The following SLC9A9 variants were observed in gnomAD, a reference collection of about 807,000 sequenced individuals.
SLC9A9 encodes the protein solute carrier family 9 member A9, also known as sodium/hydrogen exchanger 9.
Under a neutral mutation model 77.8 loss-of-function variants are expected in SLC9A9, and 62 were observed. That is an observed-to-expected ratio of 0.80 (90% CI 0.65 to 0.98). SLC9A9 has a LOEUF of 0.98. Among genes scored for constraint, SLC9A9 ranks in the 50% least tolerant of loss-of-function variants. The pLI, the probability that SLC9A9 is intolerant of heterozygous loss-of-function variation, is 0.00. For missense variants in SLC9A9, 775 were observed against 774.9 expected, an observed-to-expected ratio of 1.00 and a Z score of 0.00; for synonymous variants, 320 against 283.5, an observed-to-expected ratio of 1.13 and a Z score of -1.29.
intron 14 of SLC9A9, among the ~76,000 whole-genome samples, chr3:143,277,168 C>T (rs753953944): frequency 1.3e-5 from 2 of 152,132 alleles, no homozygotes; most frequent in Non-Finnish European, 2.9e-5. Context: ...TTAAGTAGGG[C>T]AGATGGACAC....
At chr3:143,714,803 A>T (rs1293588398) in intron 4 of SLC9A9, among the ~76,000 whole-genome samples, 1 of 152,124 alleles carries the variant, frequency 6.6e-6, no homozygotes, top group Non-Finnish European at 1.5e-5. Context: ...AAGAGATCAG[A>T]GTGGGGAAGA....
chr3:143,642,477 TA>T (rs1326451341), intron 6 of SLC9A9, among the ~76,000 whole-genome samples: 2 of 152,222 alleles, frequency 1.3e-5, no homozygotes, highest in Non-Finnish European at 2.9e-5. Context: ...GTTGCTCAAA[TA>T]GACTCTTTAA....
In SLC9A9 at chr3:143,563,625, C is replaced by T. The variant is rs74966173; in HGVS notation, c.1000+10463G>A. Among the ~76,000 whole-genome samples, 327 of 152,100 alleles carry T rather than the reference C, an allele frequency of 2.1e-3. 2 individuals are homozygous for T. The highest frequency in any genetic ancestry group is 7.3e-3 in the African/African-American group (301 of 41,484). On this transcript the variant is annotated intron_variant, in intron 8 of 15. Transcript: ENST00000316549. ...ACAATCCAAGGAAGGGGGAAGAAAACGTAAGATCATCATAATTTTAATTAG... is the reference window on the plus strand; with the variant it reads ...ACAATCCAAGGAAGGGGGAAGAAAATGTAAGATCATCATAATTTTAATTAG...
chr3:143,585,081 G>T (rs2037519363), intron 6 of SLC9A9, among the ~76,000 whole-genome samples: 1 of 152,196 alleles, frequency 6.6e-6, no homozygotes, highest in Admixed American at 6.5e-5. Context: ...AGAGACCTCT[G>T]TTGGCATGAT....
In SLC9A9 at chr3:143,281,918, C is replaced by T. The variant is rs994165842; in HGVS notation, c.1605-12938G>A. Among the ~76,000 whole-genome samples, 13 of 152,202 alleles carry T rather than the reference C, an allele frequency of 8.5e-5. 1 individual carries two copies. Among genetic ancestry groups the T allele is most frequent in the Admixed American group, 7.2e-4 (11 of 15,286 alleles). On this transcript the variant is annotated intron_variant, in intron 14 of 15. Transcript: ENST00000316549. ...ACCTTTCCTATCTCATTCCCCACAC[C>T]GTTTCACAAACTTTAGTTTCTGATA...
In SLC9A9 at chr3:143,382,211, T is replaced by A. The variant is rs1175602727; in HGVS notation, c.1470-97A>T. ...ACCTAACCCAAACACAATGTGAATC[T>A]GAGAAAAGATTTGGCAGAAAACTAT... On this transcript the variant is annotated intron_variant, in intron 12 of 15. Coordinates refer to ENST00000316549, the MANE Select transcript of SLC9A9 (RefSeq NM_173653.4). 9 of 1,299,736 alleles carry A rather than the reference T, an allele frequency of 6.9e-6. No individual in the cohort carries two copies. The East Asian group carries it at 2.1e-4, about 30-fold the overall frequency. 80.5% of individuals were successfully genotyped at this position (1,299,736 alleles called of 1,614,324 possible). A position where few individuals can be genotyped will look rare whatever the true frequency, so the allele number is the denominator to read the frequency against.
intron 4 of SLC9A9, among the ~76,000 whole-genome samples, chr3:143,767,334 C>A (rs567872469): frequency 6.7e-6 from 1 of 150,220 alleles, no homozygotes; most frequent in Non-Finnish European, 1.5e-5. Context: ...GATGGCGCTG[C>A]CTTTCAGGTG....
chr3:143,672,225 T>C (rs1310222944), intron 5 of SLC9A9, among the ~76,000 whole-genome samples: 1 of 152,180 alleles, frequency 6.6e-6, no homozygotes, highest in Admixed American at 6.6e-5. Flanking sequence ...TATTCCGTTT[T>C]CTCTTGAATT....
intron 2 of SLC9A9, among the ~76,000 whole-genome samples, chr3:143,806,899 A>T (rs1123778): frequency 0.16 from 24,082 of 152,196 alleles, 4,085 homozygotes; most frequent in African/African-American, 0.43. Context: ...AGCACAAAGA[A>T]ATAATAAATG....
chr3:143,776,409 C>T (rs2007693854), intron 4 of SLC9A9, among the ~76,000 whole-genome samples: 1 of 152,122 alleles, frequency 6.6e-6, no homozygotes, highest in African/African-American at 2.4e-5. Flanking sequence ...TGGACTGATA[C>T]AGTGGAGTTA....
At chr3:143,331,989 C>T (rs1036325966) in intron 14 of SLC9A9, among the ~76,000 whole-genome samples, 20 of 152,066 alleles carry the variant, frequency 1.3e-4, no homozygotes, top group African/African-American at 4.1e-4. Flanking sequence ...AAGGTCATTC[C>T]AGACAATGAG....
chr3:143,524,177 A>T (rs1485837396), intron 9 of SLC9A9, among the ~76,000 whole-genome samples: 2 of 45,318 alleles, frequency 4.4e-5, no homozygotes, highest in Non-Finnish European at 1.1e-4. Context: ...TACACTGAAG[A>T]TAGAAAAAAA....
At chr3:143,817,563 A>G (rs2009054346) in intron 2 of SLC9A9, among the ~76,000 whole-genome samples, 1 of 152,184 alleles carries the variant, frequency 6.6e-6, no homozygotes, top group African/African-American at 2.4e-5. Context: ...ATTTTCTCCT[A>G]AAGTTATATA....
At chr3:143,269,068 T>A (rs2108395856) in intron 14 of SLC9A9, 88 bp from the exon 15 acceptor site, 1 of 998,456 alleles carries the variant, frequency 1.0e-6, no homozygotes, top group Non-Finnish European at 1.6e-6. Flanking sequence ...CTGAGACAGC[T>A]ACGTTTGCCT....
Position 143,648,162 on chromosome 3 carries a change from T to C in SLC9A9, c.755+4093A>G, listed in dbSNP as rs141786216. The stretch of plus-strand genomic sequence containing the variant: ...TTACTCAGAATAGTTTTGTAATGTA[T>C]ATAGAACAACTATTCTCACATTTTC... On this transcript the variant is annotated intron_variant, in intron 6 of 15. Transcript: ENST00000316549. 3.8e-3 allele frequency among the ~76,000 whole-genome samples: 576 copies of C among 152,318 alleles called. 4 individuals carry two copies. Among genetic ancestry groups the C allele is most frequent in the African/African-American group, 0.013 (554 of 41,578 alleles).
intron 11 of SLC9A9, among the ~76,000 whole-genome samples, chr3:143,476,447 G>A (rs970201671): frequency 1.3e-5 from 2 of 152,218 alleles, no homozygotes; most frequent in Non-Finnish European, 2.9e-5. Flanking sequence ...GCCAGAAAGG[G>A]TAATTGTAAA....
At chr3:143,406,978 GAA>G (rs57344964) in intron 12 of SLC9A9, among the ~76,000 whole-genome samples, 1,198 of 69,308 alleles carry the variant, frequency 0.017, 8 homozygotes, top group South Asian at 0.049. Flanking sequence ...TCCATCTCGA[GAA>G]AAAAAAAAAA....
rs532692422 is a variant in SLC9A9, at chr3:143,756,370, T to C, written c.533+38631A>G. ...GCTTTAGCATGAAAGGAAGGTTACC[T>C]ACCAGTATCATTTCCACACACTACC... is the stretch of plus-strand genomic sequence containing the variant. On this transcript the variant is annotated intron_variant, in intron 4 of 15. Transcript: ENST00000316549. 4.6e-5 allele frequency among the ~76,000 whole-genome samples: 7 copies of C among 152,316 alleles called. No homozygotes were observed. The East Asian group carries it at 1.4e-3, about 29-fold the overall frequency.
chr3:143,621,335 C>G (rs1385961005), intron 6 of SLC9A9, among the ~76,000 whole-genome samples: 3 of 152,178 alleles, frequency 2.0e-5, no homozygotes, highest in Non-Finnish European at 4.4e-5. Flanking sequence ...GGTCCCTGAC[C>G]CCCGAATAGC....
Sources: allele counts gnomAD v4.1 joint callset (sites outside exome capture counted in the v4.1 genomes callset), GRCh38; gene constraint gnomAD v4.1.1; transcripts MANE v1.5; gene names NCBI Gene and HGNC (gene_info 2026-07-23, HGNC 2026-07-21).